ARHGAP31: variants seen among roughly 807,000 people sequenced by gnomAD.
ARHGAP31 encodes Rho GTPase activating protein 31, also known as rho GTPase-activating protein 31.
In ARHGAP31, 34 loss-of-function variants were observed where a neutral mutation model predicts 113.9. The ratio of observed to expected loss-of-function variants is 0.30; its 90% confidence interval spans 0.23 to 0.40. ARHGAP31 has a LOEUF of 0.40. ARHGAP31 is among the 10% of genes least tolerant of loss of function. ARHGAP31 has a pLI of 1.00. For missense variants in ARHGAP31, 1,548 were observed against 1,767.1 expected (o/e 0.88, Z 2.22); for synonymous variants, 650 against 684.8 (o/e 0.95, Z 0.79).
intron 1 of ARHGAP31, among the ~76,000 whole-genome samples, chr3:119,348,593 C>T (rs760784392): frequency 2.0e-5 from 3 of 152,300 alleles, no homozygotes; most frequent in East Asian, 1.9e-4. Context: ...TGATATAAAA[C>T]GGTGTAGTAT....
intron 7 of ARHGAP31, among the ~76,000 whole-genome samples, chr3:119,391,604 C>CT (rs1441029427): frequency 3.5e-5 from 4 of 113,396 alleles, no homozygotes. Flanking sequence ...CCCCTCCCCC[C>CT]CGCCGTCACT....
intron 7 of ARHGAP31, 75 bp downstream of exon 7, chr3:119,391,058 C>T (rs2107635654): frequency 1.3e-6 from 2 of 1,524,350 alleles, no homozygotes; most frequent in South Asian, 2.3e-5. Flanking sequence ...TATACAGTCT[C>T]AGGACCAAGA....
intron 10 of ARHGAP31, 21 bp downstream of exon 10, chr3:119,402,418 A>G (rs2080620469): frequency 7.5e-6 from 12 of 1,606,210 alleles, no homozygotes; most frequent in Non-Finnish European, 9.4e-6. Flanking sequence ...GAGAGAGGGT[A>G]TCTTTCCGTT....
intron 1 of ARHGAP31, among the ~76,000 whole-genome samples, chr3:119,307,020 G>GA (rs200099332): frequency 0.023 from 3,336 of 142,066 alleles, 109 homozygotes; most frequent in African/African-American, 0.072. Context: ...TTTATTTTTA[G>GA]AAAAAAAAAA....
intron 6 of ARHGAP31, among the ~76,000 whole-genome samples, chr3:119,384,695 A>G (rs184270127): frequency 2.6e-4 from 40 of 152,258 alleles, no homozygotes; most frequent in Non-Finnish European, 5.0e-4. Context: ...TGACCTGATC[A>G]CCTCATAAAG....
chr3:119,391,606 G>GCCCCCCCC (rs1559990445), intron 7 of ARHGAP31, among the ~76,000 whole-genome samples: 1 of 108,980 alleles, frequency 9.2e-6, no homozygotes, highest in Non-Finnish European at 1.8e-5. Context: ...CCTCCCCCCC[G>GCCCCCCCC]CCGTCACTCA....
intron 1 of ARHGAP31, among the ~76,000 whole-genome samples, chr3:119,299,264 T>C (rs573994548): frequency 6.6e-6 from 1 of 152,306 alleles, no homozygotes; most frequent in Admixed American, 6.5e-5. Context: ...TCTGCTCAGA[T>C]TACAGACCAT....
rs1371925309 is a variant in ARHGAP31 at position 119,415,065 on chromosome 3, C to T, written c.3136C>T (p.Leu1046=). The change falls in exon 12 of 12, where the codon CTA becomes TTA. Residue 1046 remains leucine, a synonymous_variant. Coordinates refer to ENST00000264245, the MANE Select transcript of ARHGAP31 (RefSeq NM_020754.4). ...SPISLAEGKE[L]GTHLGHSSPQ... is the part of the protein sequence containing the mutation. ...CATCAGCCTAGCAGAGGGAAAGGAG[C>T]TAGGGACACACCTGGGGCACAGCAG... 3 of 1,614,076 alleles carry T rather than the reference C, an allele frequency of 1.9e-6. No homozygotes were observed. The highest frequency in any genetic ancestry group is 2.2e-5 in the South Asian group (2 of 91,090).
intron 1 of ARHGAP31, among the ~76,000 whole-genome samples, chr3:119,341,413 A>G (rs1361979483): frequency 6.6e-6 from 1 of 152,204 alleles, no homozygotes; most frequent in Non-Finnish European, 1.5e-5. Flanking sequence ...CCACAGGTTA[A>G]CTCATTTAAT....
intron 1 of ARHGAP31, among the ~76,000 whole-genome samples, chr3:119,336,796 A>G (rs962273690): frequency 2.0e-5 from 3 of 152,182 alleles, no homozygotes; most frequent in Admixed American, 1.3e-4. Context: ...ACCCATTAAT[A>G]GCCATTTCCC....
intron 3 of ARHGAP31, among the ~76,000 whole-genome samples, chr3:119,371,161 A>C (rs2080293808): frequency 6.6e-6 from 1 of 152,228 alleles, no homozygotes; most frequent in Non-Finnish European, 1.5e-5. Flanking sequence ...TAATGAACTG[A>C]ATCAGTCTTA....
chr3:119,376,285 T>C (rs1281148142), intron 3 of ARHGAP31, among the ~76,000 whole-genome samples: 1 of 152,162 alleles, frequency 6.6e-6, no homozygotes, highest in Non-Finnish European at 1.5e-5. Flanking sequence ...GGTCAGTAGT[T>C]TGAGATCAGC....
intron 1 of ARHGAP31, among the ~76,000 whole-genome samples, chr3:119,345,465 G>A (rs748869522): frequency 1.3e-5 from 2 of 152,158 alleles, no homozygotes; most frequent in Non-Finnish European, 1.5e-5. Context: ...GGGAGGCTTT[G>A]AACCGAGGCA....
At position 119,417,023 on chromosome 3, in the gene ARHGAP31, AT is replaced by A. The variant is rs2080784870; in HGVS notation, c.*762del. The A allele has an allele frequency of 6.5e-6, 1 of 152,758 alleles. No individual in the cohort carries two copies. The highest frequency in any genetic ancestry group is 6.5e-5 in the Admixed American group (1 of 15,322). The allele number at this position is 152,758 out of a possible 1,614,324, so 9.5% of individuals were successfully genotyped here. A position where few individuals can be genotyped will look rare whatever the true frequency, so the allele number is the denominator to read the frequency against. On this transcript the variant is annotated 3_prime_UTR_variant, in exon 12 of 12. Transcript: ENST00000264245. The stretch of plus-strand genomic sequence containing the variant: ...CCAACTGCCACTGTACTGGACTGTA[AT>A]TTATAAATCCAGTAGCTACGCAGGG...
At chr3:119,312,773 T>C (rs1354100166) in intron 1 of ARHGAP31, among the ~76,000 whole-genome samples, 1 of 152,214 alleles carries the variant, frequency 6.6e-6, no homozygotes, top group South Asian at 2.1e-4. Flanking sequence ...CTATCTGTGC[T>C]GCCCAGTGTG....
intron 1 of ARHGAP31, among the ~76,000 whole-genome samples, chr3:119,345,221 C>T (rs758700024): frequency 2.0e-5 from 3 of 152,014 alleles, no homozygotes; most frequent in African/African-American, 7.2e-5. Context: ...CTCCTGACCT[C>T]GTGATCCACC....
At position 119,415,539 on chromosome 3, in the gene ARHGAP31, C is replaced by T; in HGVS notation, c.3610C>T (p.Pro1204Ser). ...CCAGGCCAGGGCGGTCCCAGTCATC[C>T]CTCCCAAGATTCAGTACACCCAGAT... ...MCQARAVPVIPPKIQYTQIPQ... is the reference protein window; with the variant it reads ...MCQARAVPVISPKIQYTQIPQ... Residue 1204 changes from proline (P) to serine (S), a missense_variant, in exon 12 of 12, where the codon CCT (proline) becomes TCT (serine). Transcript: ENST00000264245. The T allele has an allele frequency of 6.2e-7, 1 of 1,614,154 alleles. No individual in the cohort carries two copies. The highest frequency in any genetic ancestry group is 8.5e-7 in the Non-Finnish European group (1 of 1,180,030).
chr3:119,306,606 G>C (rs924909760), intron 1 of ARHGAP31, among the ~76,000 whole-genome samples: 14 of 152,184 alleles, frequency 9.2e-5, no homozygotes, highest in African/African-American at 3.4e-4. Flanking sequence ...TAATGTCTGG[G>C]TCGATGGAGA....
At chr3:119,319,913 G>A (rs891988175) in intron 1 of ARHGAP31, among the ~76,000 whole-genome samples, 1 of 152,162 alleles carries the variant, frequency 6.6e-6, no homozygotes, top group African/African-American at 2.4e-5. Flanking sequence ...GCCCACACAA[G>A]GTGAGATCAG....
Sources: gnomAD v4.1 joint callset for allele counts (sites outside exome capture counted in the v4.1 genomes callset) on GRCh38, gnomAD v4.1.1 for gene constraint, MANE v1.5 for transcripts, NCBI Gene and HGNC (gene_info 2026-07-23, HGNC 2026-07-21) for gene names.